The following NEK10 variants were observed in gnomAD, a reference collection of about 807,000 sequenced individuals.
The protein encoded by NEK10 is serine/threonine-protein kinase Nek10.
NEK10 carries 122 observed loss-of-function variants against 159.8 expected under a neutral mutation model. That is an observed-to-expected ratio of 0.76 (90% confidence interval 0.66 to 0.89). The LOEUF is 0.89. NEK10 is among the 40% of genes least tolerant of loss of function. The pLI is 0.00. For missense variants in NEK10, 1,342 were observed against 1,323.1 expected, an observed-to-expected ratio of 1.01 and a Z score of -0.22; for synonymous variants, 466 against 457.1, an observed-to-expected ratio of 1.02 and a Z score of -0.25.
chr3:27,343,580 T>C (rs571170798), intron 5 of NEK10, among the ~76,000 whole-genome samples: 1 of 152,192 alleles, frequency 6.6e-6, no homozygotes, highest in Non-Finnish European at 1.5e-5. Context: ...CAAGACCCTA[T>C]AATGACACAC....
At position 27,293,568 on chromosome 3, in the gene NEK10, A is replaced by G; in HGVS notation, c.1373+20T>C. On this transcript the variant is annotated intron_variant, in intron 16 of 35. Transcript: ENST00000691995. ...GATCTCCTAAACCTAATGATCACTTATATTTCTCTAACCTCATACCTTTTA... is the reference window on the plus strand; with the variant it reads ...GATCTCCTAAACCTAATGATCACTTGTATTTCTCTAACCTCATACCTTTTA... The G allele has an allele frequency of 7.6e-7, 1 of 1,320,758 alleles. No homozygotes were observed. Among genetic ancestry groups the G allele is most frequent in the South Asian group, 1.3e-5 (1 of 79,070 alleles). The allele number at this position is 1,320,758 out of a possible 1,614,324, so 81.8% of individuals were successfully genotyped here. A position where few individuals can be genotyped will look rare whatever the true frequency, so the allele number is the denominator to read the frequency against.
intron 11 of NEK10, among the ~76,000 whole-genome samples, chr3:27,306,099 C>T (rs925385138): frequency 6.6e-6 from 1 of 152,168 alleles, no homozygotes; most frequent in African/African-American, 2.4e-5. Context: ...CATGGCACCA[C>T]AATATTTTCA....
At chr3:27,196,872 C>T (rs1248821164) in intron 25 of NEK10, among the ~76,000 whole-genome samples, 2 of 152,118 alleles carry the variant, frequency 1.3e-5, no homozygotes, top group Non-Finnish European at 1.5e-5. Flanking sequence ...AGGAACAAAT[C>T]ACAGAGATGA....
intron 23 of NEK10, among the ~76,000 whole-genome samples, chr3:27,236,112 A>G (rs530969402): frequency 6.6e-6 from 1 of 152,152 alleles, no homozygotes; most frequent in East Asian, 1.9e-4. Context: ...GAACACATGG[A>G]CTCATAGAGG....
intron 28 of NEK10, among the ~76,000 whole-genome samples, chr3:27,172,786 T>A (rs1947129573): frequency 6.6e-6 from 1 of 152,170 alleles, no homozygotes; most frequent in South Asian, 2.1e-4. Flanking sequence ...ATAAGTTTTT[T>A]ATAAAATTCA....
At chr3:27,219,893 A>T (rs1251650845) in intron 23 of NEK10, among the ~76,000 whole-genome samples, 1 of 152,358 alleles carries the variant, frequency 6.6e-6, no homozygotes, top group Admixed American at 6.5e-5. Context: ...CACAAAATCA[A>T]TATGCAAAAA....
chr3:27,125,669 A>G (rs2125479096), intron 32 of NEK10, among the ~76,000 whole-genome samples: 1 of 152,250 alleles, frequency 6.6e-6, no homozygotes, highest in Admixed American at 6.5e-5. Context: ...ACACACACAA[A>G]TGCACATATG....
rs370417315 is a variant in NEK10 at position 27,214,549 on chromosome 3, C to CT, written c.2091-11993dup. 1.8e-3 allele frequency among the ~76,000 whole-genome samples: 248 copies of CT among 141,590 alleles called. No individual in the cohort carries two copies. In the Middle Eastern group the frequency reaches 0.018, roughly 10 times the overall value. 92.9% of individuals were successfully genotyped at this position (141,590 alleles called of 152,430 possible). ...AATGCAGGCAGCTTTTACTTTCTTT[C>CT]TTTTTTTTGTTTTTCCTATTTTTGT... On this transcript the variant is annotated intron_variant, in intron 23 of 35. Transcript: ENST00000691995.
chr3:27,355,925 C>G (rs995388891), intron 1 of NEK10, among the ~76,000 whole-genome samples: 2 of 152,170 alleles, frequency 1.3e-5, no homozygotes, highest in Admixed American at 1.3e-4. Flanking sequence ...CTATCCTCTC[C>G]AAAATTCATG....
chr3:27,155,661 C>T (rs1379231230), intron 30 of NEK10, among the ~76,000 whole-genome samples: 1 of 151,906 alleles, frequency 6.6e-6, no homozygotes, highest in Non-Finnish European at 1.5e-5. Context: ...CAAATGGAAA[C>T]ACATCCCATG....
intron 23 of NEK10, among the ~76,000 whole-genome samples, chr3:27,222,670 C>T (rs1347077217): frequency 1.3e-5 from 2 of 151,870 alleles, no homozygotes; most frequent in African/African-American, 4.8e-5. Context: ...TATTACTACC[C>T]ATAACTTTAC....
At chr3:27,226,730 A>G (rs756658580) in intron 23 of NEK10, among the ~76,000 whole-genome samples, 59 of 152,228 alleles carry the variant, frequency 3.9e-4, no homozygotes, top group Non-Finnish European at 5.6e-4. Flanking sequence ...AGATGATAAG[A>G]TTTTTATTCT....
chr3:27,107,429 T>C lies in NEK10; in HGVS notation c.*3843A>G, dbSNP rs1939111720. ...AGAAATTTGTGTCTTCCTATCAATA[T>C]GAAAAACAGCGTTCAAGTGTAAGCA... On this transcript the variant is annotated 3_prime_UTR_variant, in exon 36 of 36. Transcript: ENST00000691995. Among the ~76,000 whole-genome samples the C allele has an allele frequency of 6.6e-6, 1 of 152,156 alleles. No individual in the cohort carries two copies. The highest frequency in any genetic ancestry group is 2.4e-5 in the African/African-American group (1 of 41,440).
At chr3:27,300,862 G>C (rs1475277751) in intron 13 of NEK10, among the ~76,000 whole-genome samples, 1 of 152,140 alleles carries the variant, frequency 6.6e-6, no homozygotes, top group African/African-American at 2.4e-5. Context: ...CTTTGAGGAG[G>C]AGCTCCTATG....
intron 25 of NEK10, among the ~76,000 whole-genome samples, chr3:27,198,709 C>T (rs1949772699): frequency 2.0e-5 from 3 of 152,076 alleles, no homozygotes; most frequent in South Asian, 4.2e-4. Flanking sequence ...TGGAAGACAA[C>T]CTAGGCAATA....
intron 26 of NEK10, among the ~76,000 whole-genome samples, chr3:27,186,058 G>A (rs1948589688): frequency 6.6e-6 from 1 of 152,194 alleles, no homozygotes; most frequent in South Asian, 2.1e-4. Flanking sequence ...GGCTGATCAA[G>A]GGAGGAGAAT....
chr3:27,246,823 G>A (rs1042170549), intron 23 of NEK10, among the ~76,000 whole-genome samples: 1 of 151,812 alleles, frequency 6.6e-6, no homozygotes, highest in Non-Finnish European at 1.5e-5. Flanking sequence ...TCACTTCTTC[G>A]GTTAAGTTAA....
chr3:27,181,260 A>C (rs1948071160), intron 26 of NEK10, among the ~76,000 whole-genome samples: 1 of 150,754 alleles, frequency 6.6e-6, no homozygotes, highest in Admixed American at 6.6e-5. Context: ...ATAAACAATT[A>C]ATACATACTT....
intron 22 of NEK10, among the ~76,000 whole-genome samples, chr3:27,277,699 TC>T (rs1179746876): frequency 6.6e-6 from 1 of 152,104 alleles, no homozygotes; most frequent in African/African-American, 2.4e-5. Context: ...AGTCACATTT[TC>T]CCCAGTGCTT....
Sources: gnomAD v4.1 joint callset for allele counts (sites outside exome capture counted in the v4.1 genomes callset) on GRCh38, gnomAD v4.1.1 for gene constraint, MANE v1.5 for transcripts, NCBI Gene and HGNC (gene_info 2026-07-23, HGNC 2026-07-21) for gene names.